Variants in RASSF3 observed in about 807,000 individuals in gnomAD.
The protein encoded by RASSF3 is ras association domain-containing protein 3.
In RASSF3, 19 loss-of-function variants were observed where a neutral mutation model predicts 19.9. That is an observed-to-expected ratio of 0.96 (90% CI 0.67 to 1.40). The LOEUF is 1.40. Among genes scored for constraint, RASSF3 ranks in the 40% most tolerant of loss-of-function variants. RASSF3 has a pLI of 0.00. For missense variants in RASSF3, 306 were observed against 289.8 expected (o/e 1.06, Z -0.41); for synonymous variants, 110 against 104.2 (o/e 1.06, Z -0.34).
intron 1 of RASSF3, among the ~76,000 whole-genome samples, chr12:64,641,425 C>T (rs943569946): frequency 6.6e-6 from 1 of 151,646 alleles, no homozygotes. Flanking sequence ...CGCGCGCGCG[C>T]GCGTTGAAAA....
At chr12:64,680,635 A>G (rs1873088175) in intron 1 of RASSF3, among the ~76,000 whole-genome samples, 1 of 151,472 alleles carries the variant, frequency 6.6e-6, no homozygotes, top group African/African-American at 2.4e-5. Flanking sequence ...TGTTTTTGAG[A>G]CAGAGTCTCG....
chr12:64,534,610 C>T (rs919000697), intron 1 of RASSF3, among the ~76,000 whole-genome samples: 1 of 152,244 alleles, frequency 6.6e-6, no homozygotes, highest in South Asian at 2.1e-4. Context: ...AGGACCTCTG[C>T]AAGGCTGGTA....
At chr12:64,590,052 A>G (rs1398613735) in intron 2 of RASSF3, among the ~76,000 whole-genome samples, 1 of 137,528 alleles carries the variant, frequency 7.3e-6, no homozygotes, top group Non-Finnish European at 1.6e-5. Flanking sequence ...GCAAAGTGGC[A>G]GAACTCTTAT....
At chr12:64,579,057 G>T (rs1463681152) in intron 2 of RASSF3, among the ~76,000 whole-genome samples, 1 of 151,850 alleles carries the variant, frequency 6.6e-6, no homozygotes, top group Non-Finnish European at 1.5e-5. Context: ...AACCCAGGAT[G>T]CAGAGGTTGC....
intron 1 of RASSF3, among the ~76,000 whole-genome samples, chr12:64,612,871 A>G (rs1456710176): frequency 6.6e-6 from 1 of 152,212 alleles, no homozygotes; most frequent in African/African-American, 2.4e-5. Context: ...GAATTAGTCT[A>G]ACATTAATAT....
intron 1 of RASSF3, among the ~76,000 whole-genome samples, chr12:64,526,445 C>T (rs1274877105): frequency 6.6e-6 from 1 of 152,136 alleles, no homozygotes; most frequent in Non-Finnish European, 1.5e-5. Flanking sequence ...TGTCCTTTGA[C>T]CAATATCTCC....
chr12:64,668,349 G>A (rs921615056), intron 1 of RASSF3, among the ~76,000 whole-genome samples: 3 of 150,708 alleles, frequency 2.0e-5, no homozygotes, highest in Non-Finnish European at 2.9e-5. Flanking sequence ...CACAATCTCC[G>A]TTCACTGTAG....
At chr12:64,538,318 C>CT (rs1868872695) in intron 1 of RASSF3, among the ~76,000 whole-genome samples, 1 of 152,088 alleles carries the variant, frequency 6.6e-6, no homozygotes, top group Admixed American at 6.6e-5. Flanking sequence ...TGTAAGAGCA[C>CT]TAGTCATATT....
Position 64,520,555 on chromosome 12 carries a change from C to CACACACAT in RASSF3, c.169+13227_169+13228insCACACATA, listed in dbSNP as rs1435123674. On this transcript the variant is annotated intron_variant, in intron 1 of 5. Transcript: ENST00000637125. ...ACACACACAGATACACACATACACACATATATATATATATATATATATATA... is the reference window on the plus strand; with the variant it reads ...ACACACACAGATACACACATACACACACACACATATATATATATATATATATATATATA... 3.8e-3 allele frequency among the ~76,000 whole-genome samples: 326 copies of CACACACAT among 86,218 alleles called. 3 individuals are homozygous for CACACACAT. Among genetic ancestry groups the CACACACAT allele is most frequent in the African/African-American group, 0.011 (298 of 26,768 alleles). 56.6% of individuals were successfully genotyped at this position (86,218 alleles called of 152,430 possible). A position where few individuals can be genotyped will look rare whatever the true frequency, so the allele number is the denominator to read the frequency against.
chr12:64,683,656 A>G (rs1233955026), intron 1 of RASSF3, among the ~76,000 whole-genome samples: 1 of 152,226 alleles, frequency 6.6e-6, no homozygotes, highest in Non-Finnish European at 1.5e-5. Context: ...ACTTTTTGCC[A>G]ATAAATATTG....
intron 1 of RASSF3, among the ~76,000 whole-genome samples, chr12:64,674,934 T>C (rs1350221127): frequency 6.6e-6 from 1 of 152,084 alleles, no homozygotes; most frequent in Non-Finnish European, 1.5e-5. Context: ...TTGTTTTTCT[T>C]TCTTACAAGT....
chr12:64,693,459 C>G (rs1473871916), intron 4 of RASSF3, among the ~76,000 whole-genome samples: 15 of 151,644 alleles, frequency 9.9e-5, no homozygotes, highest in Admixed American at 9.9e-4. Context: ...TGCACTGTCA[C>G]CCAGGCTGGA....
chr12:64,553,066 G>A (rs117383757), intron 2 of RASSF3, among the ~76,000 whole-genome samples: 6 of 152,206 alleles, frequency 3.9e-5, no homozygotes, highest in East Asian at 3.9e-4. Flanking sequence ...AAAATTAGCC[G>A]GGTGTGGTGC....
downstream of RASSF3, among the ~76,000 whole-genome samples, chr12:64,543,901 C>T (rs1346708357): frequency 6.6e-6 from 1 of 151,994 alleles, no homozygotes; most frequent in Non-Finnish European, 1.5e-5. Context: ...ACATGGAGAA[C>T]TTTTGTGTCT....
intron 1 of RASSF3, among the ~76,000 whole-genome samples, chr12:64,652,292 A>C (rs1871984880): frequency 1.3e-5 from 2 of 152,016 alleles, no homozygotes; most frequent in South Asian, 2.1e-4. Context: ...TCATTGATAA[A>C]CTTTCTGTAT....
chr12:64,575,779 TC>T (rs922852552), intron 2 of RASSF3: 6 of 152,064 alleles, frequency 3.9e-5, no homozygotes, highest in Admixed American at 2.6e-4. Flanking sequence ...TACATCATAT[TC>T]ATGATTGGAA....
intron 1 of RASSF3, among the ~76,000 whole-genome samples, chr12:64,534,270 T>TAA (rs1868775439): frequency 6.6e-6 from 1 of 151,468 alleles, no homozygotes; most frequent in African/African-American, 2.4e-5. Flanking sequence ...TCTAAAAATA[T>TAA]AAAAGAAAAG....
chr12:64,528,696 T>A (rs1868640757), upstream of RASSF3, among the ~76,000 whole-genome samples: 1 of 152,212 alleles, frequency 6.6e-6, no homozygotes, highest in South Asian at 2.1e-4. Flanking sequence ...TAGGTTCACC[T>A]CATTTCACCC....
intron 1 of RASSF3, among the ~76,000 whole-genome samples, chr12:64,642,326 G>A (rs1301850409): frequency 1.3e-5 from 2 of 151,720 alleles, no homozygotes; most frequent in East Asian, 1.9e-4. Context: ...TTGGGAGGCC[G>A]AGGCAGGCAG....
Sources: allele counts gnomAD v4.1 joint callset (sites outside exome capture counted in the v4.1 genomes callset), GRCh38; gene constraint gnomAD v4.1.1; transcripts MANE v1.5; gene names NCBI Gene and HGNC (gene_info 2026-07-23, HGNC 2026-07-21).